The following CDH13 variants were observed in gnomAD, a reference collection of about 807,000 sequenced individuals.
CDH13 encodes cadherin 13.
A neutral mutation model predicts 63.8 loss-of-function variants in CDH13; 24 were observed. The ratio of observed to expected loss-of-function variants is 0.38; its 90% CI spans 0.27 to 0.53. CDH13 has a LOEUF of 0.53. CDH13 is among the 20% of genes least tolerant of loss of function. CDH13 has a pLI of 0.85. For synonymous variants in CDH13, 503 were observed against 355.3 expected, an observed-to-expected ratio of 1.42 and a Z score of -4.67; for missense variants, 1,049 against 903.1, an observed-to-expected ratio of 1.16 and a Z score of -2.07.
intron 2 of CDH13, among the ~76,000 whole-genome samples, chr16:82,963,084 A>G (rs908903144): frequency 6.6e-6 from 1 of 152,156 alleles, no homozygotes; most frequent in Non-Finnish European, 1.5e-5. Context: ...GGTGTTAAAG[A>G]AACAGGCCAG....
intron 2 of CDH13, among the ~76,000 whole-genome samples, chr16:82,864,714 T>A (rs1003026025): frequency 7.2e-5 from 11 of 152,304 alleles, no homozygotes; most frequent in South Asian, 2.1e-4. Flanking sequence ...GACCATGTTA[T>A]TCCGCCCCTG....
intron 11 of CDH13, among the ~76,000 whole-genome samples, chr16:83,762,605 C>A (rs909342345): frequency 1.3e-5 from 2 of 152,076 alleles, no homozygotes; most frequent in Admixed American, 6.6e-5. Flanking sequence ...CTGTCACAGG[C>A]GATTTCTCGT....
intron 1 of CDH13, among the ~76,000 whole-genome samples, chr16:82,812,326 G>A (rs1439074488): frequency 6.6e-6 from 1 of 152,146 alleles, no homozygotes; most frequent in Non-Finnish European, 1.5e-5. Context: ...AATAATTGAA[G>A]CTTGCATCCT....
chr16:83,300,808 G>C (rs751682490), intron 5 of CDH13, among the ~76,000 whole-genome samples: 2 of 152,130 alleles, frequency 1.3e-5, no homozygotes, highest in Non-Finnish European at 2.9e-5. Flanking sequence ...GCATTCTTAA[G>C]ATTTGTACAT....
At chr16:82,982,789 T>C (rs1910452389) in intron 2 of CDH13, among the ~76,000 whole-genome samples, 3 of 152,180 alleles carry the variant, frequency 2.0e-5, no homozygotes, top group Admixed American at 6.5e-5. Context: ...TGAGCTTCCT[T>C]CTACAAATGG....
chr16:82,792,846 C>T (rs902037683), intron 1 of CDH13, among the ~76,000 whole-genome samples: 6 of 152,256 alleles, frequency 3.9e-5, no homozygotes, highest in Non-Finnish European at 7.3e-5. Flanking sequence ...TTCCAGACTA[C>T]AAAGTGCCAA....
At chr16:82,967,820 G>A (rs150192833) in intron 2 of CDH13, among the ~76,000 whole-genome samples, 2 of 152,264 alleles carry the variant, frequency 1.3e-5, no homozygotes, top group African/African-American at 4.8e-5. Flanking sequence ...TACAGAGGGT[G>A]GTGTCTGCCA....
intron 2 of CDH13, among the ~76,000 whole-genome samples, chr16:83,004,183 T>C (rs951815773): frequency 6.6e-6 from 1 of 152,192 alleles, no homozygotes; most frequent in African/African-American, 2.4e-5. Context: ...CCATTCCTTA[T>C]ACCGTGAGTA....
chr16:83,578,794 C>T (rs1905275008), intron 7 of CDH13, among the ~76,000 whole-genome samples: 1 of 152,138 alleles, frequency 6.6e-6, no homozygotes, highest in Non-Finnish European at 1.5e-5. Context: ...AATAACTGCT[C>T]AATAAATGTC....
chr16:83,029,496 G>C (rs1196817175), intron 2 of CDH13, among the ~76,000 whole-genome samples: 1 of 152,154 alleles, frequency 6.6e-6, no homozygotes, highest in African/African-American at 2.4e-5. Context: ...GATAAATATA[G>C]TAACCTGGAT....
intron 2 of CDH13, among the ~76,000 whole-genome samples, chr16:82,886,661 T>C (rs942963791): frequency 6.6e-5 from 10 of 152,146 alleles, no homozygotes; most frequent in Non-Finnish European, 1.3e-4. Flanking sequence ...TCTTTTCCAA[T>C]TTATGAAAAT....
intron 1 of CDH13, among the ~76,000 whole-genome samples, chr16:82,745,400 G>C (rs2151060698): frequency 6.6e-6 from 1 of 152,226 alleles, no homozygotes; most frequent in Non-Finnish European, 1.5e-5. Context: ...CAACATTACA[G>C]AAAGCTGAGA....
Position 83,428,694 on chromosome 16 carries a change from A to G in CDH13, c.782-57783A>G, listed in dbSNP as rs562928245. On this transcript the variant is annotated intron_variant, in intron 6 of 13. Transcript: ENST00000567109. ...ATTAGTCCGTAAGACAAGGGGATGG[A>G]TGAGATTCTGTATCGGTTTGCGATT... is the stretch of plus-strand genomic sequence containing the variant. Among the ~76,000 whole-genome samples, 16 of 152,344 alleles carry G rather than the reference A, an allele frequency of 1.1e-4. 1 individual carries two copies. The South Asian group carries it at 1.7e-3, about 16-fold the overall frequency.
At chr16:83,435,335 T>A (rs964287486) in intron 6 of CDH13, among the ~76,000 whole-genome samples, 1 of 152,180 alleles carries the variant, frequency 6.6e-6, no homozygotes, top group Non-Finnish European at 1.5e-5. Flanking sequence ...TGAGCCACTA[T>A]GCCTGGCCCC....
At chr16:83,581,156 C>A (rs972722338) in intron 7 of CDH13, among the ~76,000 whole-genome samples, 1 of 152,186 alleles carries the variant, frequency 6.6e-6, no homozygotes, top group South Asian at 2.1e-4. Flanking sequence ...AAAATCATTA[C>A]TGCATTTGTT....
At chr16:83,396,251 A>G (rs1482197922) in intron 6 of CDH13, among the ~76,000 whole-genome samples, 2 of 152,192 alleles carry the variant, frequency 1.3e-5, no homozygotes, top group African/African-American at 4.8e-5. Context: ...CTTGTTGAAC[A>G]TCAGTTTTGT....
At chr16:83,076,440 T>C (rs931912312) in intron 3 of CDH13, among the ~76,000 whole-genome samples, 4 of 152,202 alleles carry the variant, frequency 2.6e-5, no homozygotes, top group African/African-American at 9.6e-5. Context: ...GATCCTTGCA[T>C]GGCATTAAGG....
chr16:82,991,630 A>T (rs1451594039), intron 2 of CDH13, among the ~76,000 whole-genome samples: 1 of 152,190 alleles, frequency 6.6e-6, no homozygotes, highest in East Asian at 1.9e-4. Context: ...TGGGTCAAAT[A>T]AGTGATCAAA....
intron 3 of CDH13, among the ~76,000 whole-genome samples, chr16:83,087,671 CAAAAAAAAAAAA>C (rs67228844): frequency 2.0e-4 from 9 of 44,000 alleles, no homozygotes; most frequent in South Asian, 1.4e-3. Flanking sequence ...CCCTCCGTCT[CAAAAAAAAAAAA>C]AAAAAAAAAA....
Sources: gnomAD v4.1 joint callset for allele counts (sites outside exome capture counted in the v4.1 genomes callset) on GRCh38, gnomAD v4.1.1 for gene constraint, MANE v1.5 for transcripts, NCBI Gene and HGNC (gene_info 2026-07-23, HGNC 2026-07-21) for gene names.